Variants in PGLYRP4 observed in about 807,000 individuals in gnomAD.
The protein encoded by PGLYRP4 is peptidoglycan recognition protein 4.
PGLYRP4 carries 39 observed loss-of-function variants against 41.2 expected under a neutral mutation model. That is an observed-to-expected ratio of 0.95 (90% CI 0.73 to 1.24). The LOEUF is 1.24. Ranked by LOEUF, PGLYRP4 falls within the 50% of genes most tolerant of loss-of-function variation. The probability of loss-of-function intolerance (pLI) is 0.00; values close to 1 mark genes in which losing one functional copy is unlikely to be tolerated. For missense variants in PGLYRP4, 467 were observed against 460.7 expected (o/e 1.01, Z -0.13); for synonymous variants, 202 against 186.8 (o/e 1.08, Z -0.66).
At chr1:153,343,961 C>G (rs1374529412) in intron 4 of PGLYRP4, among the ~76,000 whole-genome samples, 2 of 152,160 alleles carry the variant, frequency 1.3e-5, no homozygotes, top group African/African-American at 2.4e-5. Context: ...ACATTCCTTT[C>G]CCTTCAGGTG....
chr1:153,334,629 T>C (rs1660474213), intron 8 of PGLYRP4, among the ~76,000 whole-genome samples: 1 of 151,730 alleles, frequency 6.6e-6, no homozygotes, highest in Non-Finnish European at 1.5e-5. Context: ...CCATACTGCC[T>C]AAAGCAATCT....
At chr1:153,345,432 G>C in intron 3 of PGLYRP4, 50 bp from the exon 4 acceptor site, 4 of 1,529,256 alleles carry the variant, frequency 2.6e-6, no homozygotes, top group African/African-American at 1.4e-5. Flanking sequence ...GCATTAGCCC[G>C]CCAAGCTGAA....
At chr1:153,331,042 T>G (rs1660315689) in intron 8 of PGLYRP4, 97 bp from the exon 9 acceptor site, 1 of 991,716 alleles carries the variant, frequency 1.0e-6, no homozygotes, top group East Asian at 2.5e-5. Flanking sequence ...AGCTAATAGA[T>G]TCCACTGTTG....
intron 5 of PGLYRP4, among the ~76,000 whole-genome samples, chr1:153,342,739 T>C (rs774152503): frequency 1.3e-5 from 2 of 151,706 alleles, no homozygotes; most frequent in Non-Finnish European, 2.9e-5. Context: ...AGCCACAGAA[T>C]GGTCAGAGCT....
chr1:153,342,394 C>T (rs1181994537), intron 5 of PGLYRP4, among the ~76,000 whole-genome samples: 1 of 152,172 alleles, frequency 6.6e-6, no homozygotes, highest in African/African-American at 2.4e-5. Flanking sequence ...TTGGGGTCAT[C>T]GACCTCTCTG....
At chr1:153,345,136 C>T (rs201371822) in intron 4 of PGLYRP4, 33 bp downstream of exon 4, 5 of 1,541,782 alleles carry the variant, frequency 3.2e-6, no homozygotes, top group African/African-American at 1.4e-5. Flanking sequence ...GCAACACTGA[C>T]CATGTGCCGT....
intron 8 of PGLYRP4, among the ~76,000 whole-genome samples, chr1:153,333,436 T>C (rs869117604): frequency 1.3e-5 from 2 of 151,972 alleles, no homozygotes; most frequent in African/African-American, 2.4e-5. Flanking sequence ...TAAAAAAAGA[T>C]TCTCCCAACA....
At chr1:153,333,689 C>T (rs1197392896) in intron 8 of PGLYRP4, among the ~76,000 whole-genome samples, 1 of 152,156 alleles carries the variant, frequency 6.6e-6, no homozygotes, top group Non-Finnish European at 1.5e-5. Context: ...CGAACTAAAT[C>T]CAACAACATA....
In PGLYRP4 at chr1:153,340,026, G is replaced by A. The variant is rs1351562878; in HGVS notation, c.824+355C>T. The stretch of plus-strand genomic sequence containing the variant: ...GAGCCCCAGCCTCTGAGTAGGAGGC[G>A]GTGGTTACACAAACAAAGCACAATC... On this transcript the variant is annotated intron_variant, in intron 7 of 8. Transcript: ENST00000359650. Among the ~76,000 whole-genome samples, 8 of 152,280 alleles carry A rather than the reference G, an allele frequency of 5.3e-5. No individual in the cohort carries two copies. The South Asian group carries it at 6.2e-4, about 12-fold the overall frequency.
Position 153,337,160 on chromosome 1 carries a change from C to T in PGLYRP4, c.943+21G>A, listed in dbSNP as rs111773485. 8.9e-5 allele frequency: 132 copies of T among 1,481,424 alleles called. No individual in the cohort carries two copies. The African/African-American group carries it at 1.0e-3, about 11-fold the overall frequency. The allele number at this position is 1,481,424 out of a possible 1,614,324, so 91.8% of individuals were successfully genotyped here. A position where few individuals can be genotyped will look rare whatever the true frequency, so the allele number is the denominator to read the frequency against. ...TTTCAAATACCATGCAATGACCCTA[C>T]TGACCAAAGCATCCACTTACCTGTG... On this transcript the variant is annotated intron_variant, in intron 8 of 8. Coordinates refer to ENST00000359650, the MANE Select transcript of PGLYRP4 (RefSeq NM_020393.4).
At position 153,341,657 on chromosome 1, in the gene PGLYRP4, C is replaced by T; in HGVS notation, c.595G>A (p.Ala199Thr). ...TTCAGGCTTGTCTTCTGCCGAGGGG[C>T]CAGGCAGTTCTCGCCTTTCCCAAGA... Reference protein sequence around the residue: ...PLLGKGENCLAPRQKTSLKKA... With the variant: ...PLLGKGENCLTPRQKTSLKKA... Residue 199 changes from alanine to threonine, a missense_variant, in exon 6 of 9, where the codon GCC becomes ACC. Transcript: ENST00000359650. The T allele has an allele frequency of 1.2e-6, 2 of 1,613,242 alleles. No homozygotes were observed. The highest frequency in any genetic ancestry group is 1.7e-6 in the Non-Finnish European group (2 of 1,179,924).
intron 8 of PGLYRP4, among the ~76,000 whole-genome samples, chr1:153,331,934 T>C (rs1266568000): frequency 6.6e-6 from 1 of 152,138 alleles, no homozygotes; most frequent in Admixed American, 6.5e-5. Flanking sequence ...TGGGTAACCA[T>C]TAACATTATG....
At chr1:153,341,852 T>A in intron 5 of PGLYRP4, 73 bp from the exon 6 acceptor site, 2 of 1,474,004 alleles carry the variant, frequency 1.4e-6, no homozygotes, top group South Asian at 2.5e-5. Context: ...AAGGAGAAGA[T>A]GCTCTGCCAG....
intron 3 of PGLYRP4, among the ~76,000 whole-genome samples, chr1:153,345,615 A>C (rs1307642168): frequency 6.6e-6 from 1 of 151,834 alleles, no homozygotes; most frequent in Non-Finnish European, 1.5e-5. Context: ...AATGTCCCCT[A>C]CTCATCTCCT....
chr1:153,341,607 G>A lies in PGLYRP4; in HGVS notation c.625+20C>T. The A allele has an allele frequency of 6.2e-7, 1 of 1,601,862 alleles. No homozygotes were observed. The highest frequency in any genetic ancestry group is 8.5e-7 in the Non-Finnish European group (1 of 1,174,180). ...GGTGAGCCCAGTGGCAGGCCCAGTA[G>A]GGCTGAAGAAAGGTCTTACCCTTCT... On this transcript the variant is annotated intron_variant, in intron 6 of 8. Coordinates refer to ENST00000359650, the MANE Select transcript of PGLYRP4 (RefSeq NM_020393.4).
rs980398244 is a variant in PGLYRP4 at position 153,348,758 on chromosome 1, T to C, written c.-277A>G. ...TTCCCAGAGAGAAGAGAGCCCAGGA[T>C]CCCTAACAAAAGATGGGGAGAAGGG... On this transcript the variant is annotated 5_prime_UTR_variant, in exon 1 of 9. Coordinates refer to ENST00000359650, the MANE Select transcript of PGLYRP4 (RefSeq NM_020393.4). 6.6e-6 allele frequency: 1 copy of C among 152,198 alleles called. No homozygotes were observed. The highest frequency in any genetic ancestry group is 6.5e-5 in the Admixed American group (1 of 15,272). The allele number at this position is 152,198 out of a possible 1,614,324, so 9.4% of individuals were successfully genotyped here. A position where few individuals can be genotyped will look rare whatever the true frequency, so the allele number is the denominator to read the frequency against.
intron 8 of PGLYRP4, among the ~76,000 whole-genome samples, chr1:153,331,379 T>C (rs1198609242): frequency 3.4e-5 from 5 of 149,088 alleles, no homozygotes; most frequent in Non-Finnish European, 5.9e-5. Flanking sequence ...TGAGCCAAAA[T>C]ATCAATTGTA....
chr1:153,345,266 C>A lies in PGLYRP4; in HGVS notation c.256G>T (p.Gly86Ter), dbSNP rs1230036123. The change falls in exon 4 of 9, where the codon GGA (glycine) becomes TGA (stop). Residue 86 changes from glycine (G) to a stop codon, truncating the protein, a stop_gained. Coordinates refer to ENST00000359650, the MANE Select transcript of PGLYRP4 (RefSeq NM_020393.4). LOFTEE classifies it high-confidence loss of function. ...ACTGTCTGGTCGTGACACTCCAGTC[C>A]AGGGACATGGTGTATAACAAGGACA... ...VNVLVIHHVP[G>*]LECHDQTVCS... 6.2e-7 allele frequency: 1 copy of A among 1,614,162 alleles called. No individual in the cohort carries two copies. Among genetic ancestry groups the A allele is most frequent in the African/African-American group, 1.3e-5 (1 of 75,030 alleles).
In PGLYRP4 at chr1:153,330,956, C is replaced by G; in HGVS notation, c.944-11G>C. The stretch of plus-strand genomic sequence containing the variant: ...CATTGGGTGGTATACCTGCAAAACA[C>G]AGCAGCCCATTGTCTACAGGATTAC... On this transcript the variant is annotated splice_polypyrimidine_tract_variant and intron_variant, in intron 8 of 8. Coordinates refer to ENST00000359650, the MANE Select transcript of PGLYRP4 (RefSeq NM_020393.4). 1 of 1,608,326 alleles carries G rather than the reference C, an allele frequency of 6.2e-7. No homozygotes were observed.
Sources: allele counts gnomAD v4.1 joint callset (sites outside exome capture counted in the v4.1 genomes callset), GRCh38; gene constraint gnomAD v4.1.1; transcripts MANE v1.5; gene names NCBI Gene and HGNC (gene_info 2026-07-23, HGNC 2026-07-21).